Variants in MINAR1 observed in about 807,000 individuals in gnomAD.
The protein encoded by MINAR1 is major intrinsically disordered Notch2-binding receptor 1.
In MINAR1, 40 loss-of-function variants were observed where a neutral mutation model predicts 65.1. The ratio of observed to expected loss-of-function variants is 0.61; its 90% CI spans 0.48 to 0.80. MINAR1 has a LOEUF of 0.80. MINAR1 is among the 30% of genes least tolerant of loss of function. The pLI is 0.00. For missense variants in MINAR1, 1,128 were observed against 1,148.0 expected, an observed-to-expected ratio of 0.98 and a Z score of 0.25; for synonymous variants, 482 against 449.1, an observed-to-expected ratio of 1.07 and a Z score of -0.93.
intron 3 of MINAR1, among the ~76,000 whole-genome samples, chr15:79,466,046 G>C (rs553538739): frequency 7.3e-5 from 11 of 151,720 alleles, no homozygotes; most frequent in African/African-American, 2.2e-4. Context: ...AGCAGAGGAT[G>C]CAGGAGTTTC....
rs543654380 is a variant in MINAR1 at position 79,432,403 on chromosome 15, C to G, written c.-188C>G. The stretch of plus-strand genomic sequence containing the variant: ...CGGGGTGCAACCCTGGGCGCGGAAT[C>G]CGGGCTGCCGGGTGACAGTGACCAG... On this transcript the variant is annotated 5_prime_UTR_variant, in exon 1 of 4. It adds an upstream start codon to the 5' untranslated region. Transcript: ENST00000305428. 1 of 152,410 alleles carries G rather than the reference C, an allele frequency of 6.6e-6. No individual in the cohort carries two copies. Among genetic ancestry groups the G allele is most frequent in the South Asian group, 2.1e-4 (1 of 4,830 alleles). The allele number at this position is 152,410 out of a possible 1,614,324, so 9.4% of individuals were successfully genotyped here.
intron 1 of MINAR1, among the ~76,000 whole-genome samples, chr15:79,453,166 C>G (rs369047589): frequency 6.6e-5 from 10 of 152,090 alleles, no homozygotes; most frequent in East Asian, 5.8e-4. Context: ...CCGTGCCCCC[C>G]TCTCTGAGCT....
At chr15:79,437,581 G>C (rs987023467) in intron 1 of MINAR1, among the ~76,000 whole-genome samples, 2 of 149,580 alleles carry the variant, frequency 1.3e-5, no homozygotes, top group Admixed American at 6.7e-5. Flanking sequence ...GGTGTGGATG[G>C]GTAGTGAGTG....
intron 2 of MINAR1, among the ~76,000 whole-genome samples, chr15:79,461,692 A>T (rs1489470527): frequency 6.6e-6 from 1 of 152,198 alleles, no homozygotes; most frequent in East Asian, 1.9e-4. Flanking sequence ...GGTAAGAGCC[A>T]ATGGGTTGGG....
intron 3 of MINAR1, among the ~76,000 whole-genome samples, chr15:79,467,085 G>A (rs1383459364): frequency 1.3e-5 from 2 of 151,092 alleles, no homozygotes; most frequent in Non-Finnish European, 3.0e-5. Flanking sequence ...GATGAAAAAA[G>A]AGAATGAATC....
the MINAR1 span, chr15:79,417,996 C>T: frequency 9.2e-5 from 14 of 152,178 alleles, no homozygotes; most frequent in African/African-American, 3.1e-4. Flanking sequence ...GGTCCAGTTA[C>T]GGAATTATCA....
intron 1 of MINAR1, among the ~76,000 whole-genome samples, chr15:79,443,754 GTGTT>G (rs1281686070): frequency 6.6e-6 from 1 of 152,158 alleles, no homozygotes; most frequent in Non-Finnish European, 1.5e-5. Flanking sequence ...CTATTCAAAA[GTGTT>G]TGATAACAGT....
chr15:79,468,308 T>C lies in MINAR1; in HGVS notation c.2675T>C (p.Ile892Thr), dbSNP rs776030478. ...AEFRRAKVCK[I>T]AALIAAAACT... is the part of the protein sequence containing the mutation. The stretch of plus-strand genomic sequence containing the variant: ...TTCAGACGAGCCAAGGTCTGCAAGA[T>C]AGCTGCTCTGATCGCTGCTGCGGCA... Residue 892 changes from isoleucine (I) to threonine (T), a missense_variant, in exon 4 of 4, where the codon ATA (isoleucine) becomes ACA (threonine). Transcript: ENST00000305428. 6.8e-6 allele frequency: 11 copies of C among 1,614,024 alleles called. No homozygotes were observed. The African/African-American group carries it at 1.2e-4, about 18-fold the overall frequency.
At chr15:79,440,486 G>A (rs935591575) in intron 1 of MINAR1, among the ~76,000 whole-genome samples, 2 of 152,250 alleles carry the variant, frequency 1.3e-5, no homozygotes, top group African/African-American at 2.4e-5. Flanking sequence ...AATTGTGGAA[G>A]AGGCTGCCTT....
intron 3 of MINAR1, chr15:79,463,668 C>T (rs1313921800): frequency 1.9e-6 from 1 of 513,078 alleles, no homozygotes; most frequent in African/African-American, 1.9e-5. Flanking sequence ...TAATGAAATA[C>T]AAGCTGATTT....
chr15:79,451,903 G>T (rs188750838), intron 1 of MINAR1, among the ~76,000 whole-genome samples: 308 of 152,336 alleles, frequency 2.0e-3, no homozygotes, highest in Non-Finnish European at 3.6e-3. Flanking sequence ...TATGCATGGA[G>T]ATGTGCTGGG....
chr15:79,467,966 G>T lies in MINAR1; in HGVS notation c.2554-221G>T, dbSNP rs532031618. 2.0e-5 allele frequency among the ~76,000 whole-genome samples: 3 copies of T among 152,222 alleles called. No homozygotes were observed. The South Asian group carries it at 6.2e-4, about 32-fold the overall frequency. Reference sequence around the variant, plus strand: ...GGTTTCTCTGTGTCAAAACCAACATGATATTTTTAGTGAGGGAGGGGCCTA... The same window carrying T: ...GGTTTCTCTGTGTCAAAACCAACATTATATTTTTAGTGAGGGAGGGGCCTA... On this transcript the variant is annotated intron_variant, in intron 3 of 3. Coordinates refer to ENST00000305428, the MANE Select transcript of MINAR1 (RefSeq NM_015206.3).
At chr15:79,435,837 G>T (rs1894585102) in intron 1 of MINAR1, among the ~76,000 whole-genome samples, 1 of 152,226 alleles carries the variant, frequency 6.6e-6, no homozygotes. Context: ...TACTGGGAAT[G>T]GATTGCCCCA....
At position 79,463,078 on chromosome 15, in the gene MINAR1, G is replaced by C; in HGVS notation, c.2310G>C (p.Gln770His). The C allele has an allele frequency of 6.2e-7, 1 of 1,612,792 alleles. No individual in the cohort carries two copies. Among genetic ancestry groups the C allele is most frequent in the Middle Eastern group, 1.7e-4 (1 of 6,054 alleles). Reference sequence around the variant, plus strand: ...GTGCCCCTCTGCAGGCAGACAGGCAGTACGACATTCCCCCACAGCACCGAC... The same window carrying C: ...GTGCCCCTCTGCAGGCAGACAGGCACTACGACATTCCCCCACAGCACCGAC... ...WHRKSKEADR[Q>H]YDIPPQHRLP... Residue 770 changes from glutamine to histidine, a missense_variant, in exon 3 of 4, where the codon CAG (glutamine) becomes CAC (histidine). By Grantham distance (24) the Gln-to-His change is conservative. Coordinates refer to ENST00000305428, the MANE Select transcript of MINAR1 (RefSeq NM_015206.3).
rs1364534332 is a variant in MINAR1 at position 79,433,626 on chromosome 15, G to C, written c.-51+1086G>C. On this transcript the variant is annotated intron_variant, in intron 1 of 3. Coordinates refer to ENST00000305428, the MANE Select transcript of MINAR1 (RefSeq NM_015206.3). ...TTTATGCTCTGTGATATTATGCATG[G>C]CATGAAGAGTTGCTAGGAGGAGTGT... 2.0e-5 allele frequency among the ~76,000 whole-genome samples: 3 copies of C among 152,192 alleles called. No individual in the cohort carries two copies. In the South Asian group the frequency reaches 6.2e-4, roughly 32 times the overall value.
chr15:79,434,210 C>A (rs1894532094), intron 1 of MINAR1, among the ~76,000 whole-genome samples: 1 of 152,188 alleles, frequency 6.6e-6, no homozygotes, highest in East Asian at 1.9e-4. Context: ...GTGTATAGCA[C>A]TTAACATTTG....
At chr15:79,448,291 A>G (rs1354420329) in intron 1 of MINAR1, among the ~76,000 whole-genome samples, 1 of 152,238 alleles carries the variant, frequency 6.6e-6, no homozygotes, top group African/African-American at 2.4e-5. Context: ...GAGAAACAGA[A>G]GTGTAACCCC....
chr15:79,466,071 G>C lies in MINAR1; in HGVS notation c.2554-2116G>C, dbSNP rs1357734130. Among the ~76,000 whole-genome samples, 516 of 152,278 alleles carry C rather than the reference G, an allele frequency of 3.4e-3. 2 individuals carry two copies. Among genetic ancestry groups the C allele is most frequent in the African/African-American group, 0.012 (489 of 41,564 alleles). On this transcript the variant is annotated intron_variant, in intron 3 of 3. Transcript: ENST00000305428. ...GCAGGAGTTTCTTGCAAAGGCTGAAGGGTTGGACAGAGCACTCTGCACAAT... is the reference window on the plus strand; with the variant it reads ...GCAGGAGTTTCTTGCAAAGGCTGAACGGTTGGACAGAGCACTCTGCACAAT...
chr15:79,417,875 TGAAA>T, the MINAR1 span: 6 of 152,224 alleles, frequency 3.9e-5, no homozygotes, highest in African/African-American at 1.4e-4. Flanking sequence ...TGCAGAGACT[TGAAA>T]AATAGCTGCT....
Sources: allele counts gnomAD v4.1 joint callset (sites outside exome capture counted in the v4.1 genomes callset), GRCh38; gene constraint gnomAD v4.1.1; transcripts MANE v1.5; gene names NCBI Gene and HGNC (gene_info 2026-07-23, HGNC 2026-07-21).